The following PUDP variants were observed in gnomAD, a reference collection of about 807,000 sequenced individuals.
PUDP encodes pseudouridine 5'-phosphatase, also known as pseudouridine-5'-phosphatase.
Under a neutral mutation model 9.4 loss-of-function variants are expected in PUDP, and 8 were observed. That is an observed-to-expected ratio of 0.85 (90% CI 0.50 to 1.53). PUDP has a LOEUF of 1.53. Among genes scored for constraint, PUDP ranks in the 40% most tolerant of loss-of-function variants. The pLI is 0.00. For synonymous variants in PUDP, 99 were observed against 80.7 expected, an observed-to-expected ratio of 1.23 and a Z score of -1.22; for missense variants, 188 against 189.7, an observed-to-expected ratio of 0.99 and a Z score of 0.05.
chrX:6,820,832 T>C (rs1316029304), intron 3 of PUDP, among the ~76,000 whole-genome samples: 1 of 111,358 alleles, frequency 9.0e-6, no homozygotes, highest in Non-Finnish European at 1.9e-5. Flanking sequence ...GAGCTGTCAG[T>C]GGATGTACCA....
chrX:7,117,932 C>T (rs1311062766), intron 1 of PUDP, among the ~76,000 whole-genome samples: 1 of 113,316 alleles, frequency 8.8e-6, no homozygotes, highest in Non-Finnish European at 1.9e-5. Flanking sequence ...GGAGCTCATC[C>T]TGGTGCTCTG....
intron 3 of PUDP, among the ~76,000 whole-genome samples, chrX:6,876,324 T>C (rs1485434051): frequency 9.0e-6 from 1 of 111,415 alleles, no homozygotes; most frequent in Non-Finnish European, 1.9e-5. Context: ...AGGTTAGGTG[T>C]ATTAAATGCA....
chrX:6,757,959 T>C (rs1422525444), intron 3 of PUDP, among the ~76,000 whole-genome samples: 2 of 112,172 alleles, frequency 1.8e-5, no homozygotes, highest in Non-Finnish European at 3.8e-5. Context: ...TGACACGAGA[T>C]GCTGTCAATT....
At chrX:6,729,690 T>A (rs1364918250) in intron 3 of PUDP, among the ~76,000 whole-genome samples, 1 of 111,441 alleles carries the variant, frequency 9.0e-6, no homozygotes, top group African/African-American at 3.3e-5. Context: ...CCTTTTTCTC[T>A]TTTTTCCTTT....
At chrX:7,066,088 G>C (rs1228224840) in intron 3 of PUDP, among the ~76,000 whole-genome samples, 1 of 112,198 alleles carries the variant, frequency 8.9e-6, no homozygotes, top group Admixed American at 9.5e-5. Flanking sequence ...TGATGCACTA[G>C]TGTATGGGGG....
intron 3 of PUDP, among the ~76,000 whole-genome samples, chrX:6,939,288 A>G (rs1200451621): frequency 9.3e-6 from 1 of 107,646 alleles, no homozygotes; most frequent in African/African-American, 3.3e-5. Flanking sequence ...TAGATTTATT[A>G]TTTATTAGAT....
At chrX:6,968,644 T>A (rs1380898178) in intron 3 of PUDP, among the ~76,000 whole-genome samples, 1 of 106,298 alleles carries the variant, frequency 9.4e-6, no homozygotes. Context: ...CTTTCTCTCC[T>A]TTTTTTTTTC....
chrX:7,102,420 GA>G (rs1215491145), intron 2 of PUDP, among the ~76,000 whole-genome samples: 16 of 100,228 alleles, frequency 1.6e-4, no homozygotes, highest in South Asian at 8.7e-4. Context: ...ATTAAGGATA[GA>G]AAAAAAAAAC....
chrX:6,896,225 T>C (rs947733635), intron 3 of PUDP, among the ~76,000 whole-genome samples: 2 of 111,434 alleles, frequency 1.8e-5, no homozygotes, highest in African/African-American at 6.5e-5. Context: ...TTGTTATGCA[T>C]TGAGTTGTTG....
At chrX:6,978,777 G>A (rs1229164060) in intron 1 of PUDP, among the ~76,000 whole-genome samples, 1 of 112,514 alleles carries the variant, frequency 8.9e-6, no homozygotes, top group South Asian at 3.7e-4. Context: ...TGGGAAGACT[G>A]TTGGTGCAGC....
chrX:6,948,584 G>C (rs1928504757), intron 3 of PUDP, among the ~76,000 whole-genome samples: 1 of 112,058 alleles, frequency 8.9e-6, no homozygotes, highest in Admixed American at 9.5e-5. Flanking sequence ...TTTCCAACAA[G>C]CTCCCAGGTG....
intron 3 of PUDP, among the ~76,000 whole-genome samples, chrX:6,816,914 A>AGT (rs1926252206): frequency 1.1e-5 from 1 of 93,494 alleles, no homozygotes. Flanking sequence ...TATACTATAT[A>AGT]GTATATATAA....
intron 3 of PUDP, among the ~76,000 whole-genome samples, chrX:6,752,134 C>T (rs989797317): frequency 8.9e-6 from 1 of 111,815 alleles, no homozygotes; most frequent in Non-Finnish European, 1.9e-5. Context: ...TGACCTCCTT[C>T]GGAAGCATTT....
At chrX:6,932,629 G>A (rs1928211272) in intron 3 of PUDP, among the ~76,000 whole-genome samples, 1 of 99,724 alleles carries the variant, frequency 1.0e-5, no homozygotes, top group Admixed American at 1.2e-4. Context: ...GCAGGTCAGT[G>A]GGTGCGCGCA....
At chrX:7,059,760 A>C (rs1015476982) in intron 3 of PUDP, among the ~76,000 whole-genome samples, 2 of 112,117 alleles carry the variant, frequency 1.8e-5, no homozygotes, top group Non-Finnish European at 3.8e-5. Flanking sequence ...AGGACAGCAA[A>C]AGCACAGCGA....
chrX:7,021,395 A>G (rs1292061431), intron 1 of PUDP, among the ~76,000 whole-genome samples: 3 of 111,447 alleles, frequency 2.7e-5, no homozygotes, highest in Non-Finnish European at 5.7e-5. Flanking sequence ...CAAAATGCAT[A>G]TAGTGTTCAC....
intron 1 of PUDP, among the ~76,000 whole-genome samples, chrX:7,035,130 A>G (rs190028185): frequency 8.9e-6 from 1 of 111,965 alleles, no homozygotes; most frequent in East Asian, 2.8e-4. Flanking sequence ...CACAGTTGAA[A>G]ACCACCCACC....
intron 1 of PUDP, among the ~76,000 whole-genome samples, chrX:7,019,812 T>C: frequency 9.0e-6 from 1 of 111,659 alleles, no homozygotes; most frequent in Non-Finnish European, 1.9e-5. Flanking sequence ...GTTTGATTTT[T>C]CTCCAACTAA....
intron 1 of PUDP, among the ~76,000 whole-genome samples, chrX:7,040,821 C>T (rs1236331165): frequency 9.0e-6 from 1 of 110,597 alleles, no homozygotes; most frequent in East Asian, 2.9e-4. Flanking sequence ...TGTCTACTGT[C>T]ATCCCCTTCC....
Sources: allele counts gnomAD v4.1 joint callset (sites outside exome capture counted in the v4.1 genomes callset), GRCh38; gene constraint gnomAD v4.1.1; transcripts MANE v1.5; gene names NCBI Gene and HGNC (gene_info 2026-07-23, HGNC 2026-07-21).